RBM19: variants seen among roughly 807,000 people sequenced by gnomAD.
RBM19 encodes RNA binding motif protein 19.
In RBM19, 94 loss-of-function variants were observed where a neutral mutation model predicts 116.8. That is an observed-to-expected ratio of 0.80 (90% CI 0.68 to 0.95). The LOEUF is 0.95. Ranked by LOEUF, RBM19 falls within the 40% of genes least tolerant of loss-of-function variation. The pLI is 0.00. For missense variants in RBM19, 1,161 were observed against 1,220.7 expected, an observed-to-expected ratio of 0.95 and a Z score of 0.73; for synonymous variants, 475 against 494.1, an observed-to-expected ratio of 0.96 and a Z score of 0.51.
chr12:113,926,196 C>T (rs1334332811), intron 17 of RBM19, among the ~76,000 whole-genome samples: 1 of 152,156 alleles, frequency 6.6e-6, no homozygotes, highest in Non-Finnish European at 1.5e-5. Flanking sequence ...CTTCTGCCCA[C>T]CATATTCCTA....
At position 113,948,993 on chromosome 12, in the gene RBM19, G is replaced by A. The variant is rs757269574; in HGVS notation, c.1116C>T (p.Thr372=). 3.7e-6 allele frequency: 6 copies of A among 1,614,170 alleles called. No homozygotes were observed. In the Admixed American group the frequency reaches 5.0e-5, roughly 13 times the overall value. ...IEVFREKNVP[T]TKGAPKNTTK... Reference sequence around the variant, plus strand: ...TGGTATTCTTTGGTGCACCCTTGGTGGTGGGGACGTTCTTTTCCCTGAACA... The same window carrying A: ...TGGTATTCTTTGGTGCACCCTTGGTAGTGGGGACGTTCTTTTCCCTGAACA... The change falls in exon 10 of 24, where the codon ACC becomes ACT. Residue 372 remains threonine (T), a synonymous_variant. Transcript: ENST00000261741.
chr12:113,894,190 G>T (rs902340007), intron 21 of RBM19, among the ~76,000 whole-genome samples: 4 of 152,198 alleles, frequency 2.6e-5, no homozygotes, highest in Admixed American at 2.0e-4. Flanking sequence ...AGAGGCTCAG[G>T]GGGTGTGAGT....
At chr12:113,922,241 A>T (rs1868641880) in intron 18 of RBM19, among the ~76,000 whole-genome samples, 1 of 152,148 alleles carries the variant, frequency 6.6e-6, no homozygotes, top group Non-Finnish European at 1.5e-5. Context: ...CCCTTAGCCC[A>T]GCCACACGTC....
intron 18 of RBM19, among the ~76,000 whole-genome samples, chr12:113,923,406 T>C (rs909281094): frequency 2.6e-5 from 4 of 152,300 alleles, no homozygotes; most frequent in African/African-American, 9.6e-5. Context: ...AACACATTTC[T>C]GTCATTTAAG....
At position 113,823,151 on chromosome 12, in the gene RBM19, T is replaced by G. The variant is rs2135674506; in HGVS notation, c.*73A>C. The G allele has an allele frequency of 5.4e-4, 618 of 1,151,398 alleles. No individual in the cohort carries two copies. Among genetic ancestry groups the G allele is most frequent in the Non-Finnish European group, 6.5e-4 (523 of 802,168 alleles). 71.3% of individuals were successfully genotyped at this position (1,151,398 alleles called of 1,614,324 possible). On this transcript the variant is annotated 3_prime_UTR_variant, in exon 24 of 24. Coordinates refer to ENST00000261741, the MANE Select transcript of RBM19 (RefSeq NM_016196.4). ...CCGCCCCGCCCCCCAGCCCACATGG[T>G]GGTGAGTGCAGAAGCTGGAGCGGCT...
At chr12:113,846,574 T>A (rs1421359787) in intron 22 of RBM19, among the ~76,000 whole-genome samples, 30 of 152,122 alleles carry the variant, frequency 2.0e-4, no homozygotes, top group Non-Finnish European at 5.9e-5. Context: ...GACTGGGTGA[T>A]GAGTCTACAA....
chr12:113,900,303 G>A (rs1566004816), intron 21 of RBM19, among the ~76,000 whole-genome samples: 1 of 152,222 alleles, frequency 6.6e-6, no homozygotes. Flanking sequence ...GATGGAAACA[G>A]CCTCATGGCA....
chr12:113,925,411 C>T (rs778389247), intron 17 of RBM19, among the ~76,000 whole-genome samples: 7 of 152,192 alleles, frequency 4.6e-5, no homozygotes, highest in Non-Finnish European at 1.0e-4. Context: ...GTATCTCCTT[C>T]ATCCAAATCA....
chr12:113,855,771 T>C (rs1266936269), intron 22 of RBM19, among the ~76,000 whole-genome samples: 1 of 152,192 alleles, frequency 6.6e-6, no homozygotes, highest in Non-Finnish European at 1.5e-5. Context: ...TTGCTCTCCC[T>C]CTTCAAACTC....
chr12:113,877,071 C>T (rs1879718597), intron 21 of RBM19, among the ~76,000 whole-genome samples: 1 of 152,200 alleles, frequency 6.6e-6, no homozygotes, highest in South Asian at 2.1e-4. Flanking sequence ...GTCCCATGCC[C>T]CCACTGGGCT....
At position 113,962,372 on chromosome 12, in the gene RBM19, T is replaced by C. The variant is rs1236567907; in HGVS notation, c.79A>G (p.Thr27Ala). ...RFRQLFAAFG[T>A]LTDCSLKFTK... ...AACTTCAGGCTGCAGTCTGTCAGCG[T>C]GCCGAAGGCGGCAAACAGCTGCCTG... The change falls in exon 2 of 24, where the codon ACG becomes GCG. Residue 27 changes from threonine to alanine, a missense_variant. Transcript: ENST00000261741. The C allele has an allele frequency of 2.5e-6, 4 of 1,614,118 alleles. No individual in the cohort carries two copies. The highest frequency in any genetic ancestry group is 1.3e-5 in the African/African-American group (1 of 74,958).
At chr12:113,964,644 G>C (rs76258123) in intron 1 of RBM19, among the ~76,000 whole-genome samples, 6,467 of 152,184 alleles carry the variant, frequency 0.042, 334 homozygotes, top group Admixed American at 0.15. Flanking sequence ...TTAAAAACAA[G>C]AATATTACAG....
Position 113,822,878 on chromosome 12 carries a change from G to T in RBM19, c.*346C>A, listed in dbSNP as rs929204313. 2 of 203,496 alleles carry T rather than the reference G, an allele frequency of 9.8e-6. No homozygotes were observed. The highest frequency in any genetic ancestry group is 2.3e-5 in the African/African-American group (1 of 42,778). The allele number at this position is 203,496 out of a possible 1,614,324, so 12.6% of individuals were successfully genotyped here. ...TGGCCCTCGTCCCCTTACTCTCCTG[G>T]GGTGGGGACAGGGGGAGCAGGGGTT... On this transcript the variant is annotated 3_prime_UTR_variant, in exon 24 of 24. Transcript: ENST00000261741.
chr12:113,947,285 G>T, intron 11 of RBM19, 49 bp downstream of exon 11: 2 of 1,531,770 alleles, frequency 1.3e-6, no homozygotes, highest in South Asian at 2.5e-5. Flanking sequence ...AGCCTTTCCC[G>T]ACCATGTGAG....
chr12:113,871,269 G>A (rs936707971), intron 21 of RBM19, among the ~76,000 whole-genome samples: 1 of 152,238 alleles, frequency 6.6e-6, no homozygotes, highest in African/African-American at 2.4e-5. Flanking sequence ...GAAAGCCCTT[G>A]GCCCTGCCCC....
intron 23 of RBM19, among the ~76,000 whole-genome samples, chr12:113,836,569 C>T (rs374710615): frequency 5.3e-5 from 8 of 151,956 alleles, no homozygotes; most frequent in South Asian, 2.1e-4. Flanking sequence ...GCAGAGAGCT[C>T]GAGTCTGGGC....
chr12:113,934,135 T>C (rs1191418738), intron 16 of RBM19, among the ~76,000 whole-genome samples: 2 of 152,140 alleles, frequency 1.3e-5, no homozygotes, highest in Non-Finnish European at 2.9e-5. Context: ...GTATTTTTTG[T>C]AGAAATAGGG....
chr12:113,917,916 T>G (rs1882870479), intron 20 of RBM19, among the ~76,000 whole-genome samples: 1 of 152,104 alleles, frequency 6.6e-6, no homozygotes, highest in South Asian at 2.1e-4. Flanking sequence ...CCTCCATCTC[T>G]AACACCTACG....
chr12:113,839,413 G>A (rs1179491743), intron 23 of RBM19, among the ~76,000 whole-genome samples: 2 of 152,202 alleles, frequency 1.3e-5, no homozygotes, highest in African/African-American at 4.8e-5. Context: ...CGCCTGCTCT[G>A]TGCTGGACAC....
Sources: gnomAD v4.1 joint callset for allele counts (sites outside exome capture counted in the v4.1 genomes callset) on GRCh38, gnomAD v4.1.1 for gene constraint, MANE v1.5 for transcripts, NCBI Gene and HGNC (gene_info 2026-07-23, HGNC 2026-07-21) for gene names.